COL6A5: variants seen among roughly 807,000 people sequenced by gnomAD.
COL6A5 encodes collagen type VI alpha 5 chain.
In COL6A5, 48 loss-of-function variants were observed where a neutral mutation model predicts 65.6. That is an observed-to-expected ratio of 0.73 (90% CI 0.58 to 0.93). The LOEUF is 0.93. Ranked by LOEUF, COL6A5 falls within the 40% of genes least tolerant of loss-of-function variation. COL6A5 has a pLI of 0.00. For synonymous variants in COL6A5, 291 were observed against 322.8 expected (o/e 0.90, Z 1.05); for missense variants, 914 against 928.3 (o/e 0.98, Z 0.20).
chr3:130,359,390 A>G (rs891017819), intron 1 of COL6A5, among the ~76,000 whole-genome samples: 2 of 152,100 alleles, frequency 1.3e-5, no homozygotes, highest in Non-Finnish European at 2.9e-5. Context: ...GAAGCCTATG[A>G]AATGTTTAAT....
intron 7 of COL6A5, among the ~76,000 whole-genome samples, chr3:130,473,175 C>G (rs147571969): frequency 6.6e-6 from 1 of 151,900 alleles, no homozygotes; most frequent in Admixed American, 6.6e-5. Context: ...ATCTTTTCCA[C>G]TGATTACAAC....
intron 7 of COL6A5, among the ~76,000 whole-genome samples, chr3:130,480,670 G>GA (rs1319302404): frequency 1.3e-5 from 2 of 151,936 alleles, no homozygotes; most frequent in East Asian, 3.9e-4. Flanking sequence ...AACTCATAAC[G>GA]AAAAAAATAG....
intron 4 of COL6A5, among the ~76,000 whole-genome samples, chr3:130,380,364 A>G (rs1185137512): frequency 2.0e-5 from 3 of 152,174 alleles, no homozygotes; most frequent in Non-Finnish European, 2.9e-5. Flanking sequence ...CTGTAATTCT[A>G]TCTTCAGATA....
chr3:130,456,383 A>G (rs1363727722), intron 5 of COL6A5, among the ~76,000 whole-genome samples: 1 of 152,110 alleles, frequency 6.6e-6, no homozygotes, highest in Non-Finnish European at 1.5e-5. Flanking sequence ...AGGAAGAACT[A>G]CTATTTGATA....
chr3:130,373,204 G>A (rs958861377), intron 1 of COL6A5, among the ~76,000 whole-genome samples: 2 of 152,156 alleles, frequency 1.3e-5, no homozygotes, highest in Non-Finnish European at 2.9e-5. Flanking sequence ...CAGTAATTTT[G>A]TATAAAGCTT....
chr3:130,392,762 C>T (rs755285924), intron 7 of COL6A5, among the ~76,000 whole-genome samples: 2 of 152,178 alleles, frequency 1.3e-5, no homozygotes, highest in Non-Finnish European at 2.9e-5. Context: ...TGTGTCAGAT[C>T]AGCATTTGCT....
chr3:130,455,417 A>G (rs765028779), intron 4 of COL6A5, 38 bp from the exon 37 acceptor site: 9 of 1,322,544 alleles, frequency 6.8e-6, no homozygotes, highest in Non-Finnish European at 9.6e-6. Context: ...CCTTCTCTAA[A>G]GTTATCTAGA....
At chr3:130,459,242 A>T (rs567791179) in intron 5 of COL6A5, among the ~76,000 whole-genome samples, 1 of 152,216 alleles carries the variant, frequency 6.6e-6, no homozygotes, top group African/African-American at 2.4e-5. Flanking sequence ...GAGCCTTCAG[A>T]CTAAGCTGGA....
At chr3:130,404,825 C>T (rs1323801889) in intron 13 of COL6A5, among the ~76,000 whole-genome samples, 1 of 152,202 alleles carries the variant, frequency 6.6e-6, no homozygotes, top group Non-Finnish European at 1.5e-5. Context: ...AAGCTCATTA[C>T]TAGTTAATTA....
At chr3:130,359,611 G>C (rs1245412647) in intron 1 of COL6A5, among the ~76,000 whole-genome samples, 4 of 152,016 alleles carry the variant, frequency 2.6e-5, no homozygotes, top group Non-Finnish European at 5.9e-5. Context: ...AAGCAAAAGT[G>C]TATAGGACCT....
chr3:130,396,534 A>G (rs1187965420), intron 8 of COL6A5, among the ~76,000 whole-genome samples: 1 of 152,220 alleles, frequency 6.6e-6, no homozygotes, highest in Non-Finnish European at 1.5e-5. Context: ...TTGCAGTTGC[A>G]GTTTGTTTGT....
At chr3:130,446,920 A>G (rs1709318924) in intron 4 of COL6A5, among the ~76,000 whole-genome samples, 1 of 152,176 alleles carries the variant, frequency 6.6e-6, no homozygotes, top group East Asian at 1.9e-4. Flanking sequence ...TAAAAAAATT[A>G]GAGTAAACAA....
At chr3:130,418,373 C>G (rs1937418114) in intron 24 of COL6A5, among the ~76,000 whole-genome samples, 1 of 152,070 alleles carries the variant, frequency 6.6e-6, no homozygotes, top group Non-Finnish European at 1.5e-5. Context: ...TCCTCAGCTT[C>G]CCTGCTCCTT....
At chr3:130,373,643 A>T in exon 2 of COL6A5, 1 of 1,529,294 alleles carries the variant, frequency 6.5e-7, no homozygotes. Context: ...AACAAAATGA[A>T]GATCTTGCTA....
chr3:130,388,185 C>A (rs1229050231), intron 5 of COL6A5, among the ~76,000 whole-genome samples: 1 of 151,634 alleles, frequency 6.6e-6, no homozygotes, highest in African/African-American at 2.4e-5. Context: ...TACATAAAAC[C>A]CTGGAGTGTT....
chr3:130,414,213 A>C, intron 22 of COL6A5, 82 bp downstream of exon 22: 1 of 1,122,060 alleles, frequency 8.9e-7, no homozygotes, highest in Non-Finnish European at 1.3e-6. Context: ...CTGTATAAAA[A>C]TAAATAACTG....
chr3:130,415,024 C>T (rs556488273), intron 22 of COL6A5, among the ~76,000 whole-genome samples: 1 of 152,086 alleles, frequency 6.6e-6, no homozygotes, highest in African/African-American at 2.4e-5. Context: ...CTCAGACACC[C>T]GTGGGTCCCT....
chr3:130,413,090 G>A (rs191930717), intron 20 of COL6A5, among the ~76,000 whole-genome samples: 1 of 152,178 alleles, frequency 6.6e-6, no homozygotes. Flanking sequence ...AGGATCTGGG[G>A]CCTGAATCCT....
chr3:130,374,483 T>C (rs1935689934), intron 2 of COL6A5, among the ~76,000 whole-genome samples: 1 of 152,136 alleles, frequency 6.6e-6, no homozygotes, highest in Non-Finnish European at 1.5e-5. Context: ...AGACAGAGTC[T>C]CACTCTGTCA....
Sources: allele counts gnomAD v4.1 joint callset (sites outside exome capture counted in the v4.1 genomes callset), GRCh38; gene constraint gnomAD v4.1.1; transcripts MANE v1.5; gene names NCBI Gene and HGNC (gene_info 2026-07-23, HGNC 2026-07-21).